The following SEL1L variants were observed in gnomAD, a reference collection of about 807,000 sequenced individuals.
The protein encoded by SEL1L is SEL1L adaptor subunit of SYVN1 ubiquitin ligase.
A neutral mutation model predicts 109.8 loss-of-function variants in SEL1L; 52 were observed. The observed-to-expected ratio is 0.47, with a 90% CI of 0.38 to 0.60. The LOEUF (loss-of-function observed/expected upper bound fraction) is 0.60. SEL1L is among the 20% of genes least tolerant of loss of function. SEL1L has a pLI of 0.00. For missense variants in SEL1L, 749 were observed against 962.2 expected (o/e 0.78, Z 2.93); for synonymous variants, 373 against 339.6 (o/e 1.10, Z -1.08).
intron 3 of SEL1L, among the ~76,000 whole-genome samples, chr14:81,517,947 T>C (rs2140046614): frequency 6.6e-6 from 1 of 152,284 alleles, no homozygotes; most frequent in East Asian, 1.9e-4. Context: ...TTCTTTTTTT[T>C]TGAGACAGTC....
chr14:81,497,547 C>G (rs772465716), intron 10 of SEL1L, among the ~76,000 whole-genome samples: 1 of 152,170 alleles, frequency 6.6e-6, no homozygotes, highest in African/African-American at 2.4e-5. Flanking sequence ...GAGAAAGTGA[C>G]AGTTTTCATC....
Position 81,473,948 on chromosome 14 carries a change from A to G in SEL1L, c.*3024T>C, listed in dbSNP as rs193268612. On this transcript the variant is annotated 3_prime_UTR_variant, in exon 21 of 21. Transcript: ENST00000336735. ...GAGGCATCAACGGCTCTTTAAATAA[A>G]TCATCAGATCATCACCAGATCACTG... The G allele has an allele frequency of 6.6e-6, 1 of 152,132 alleles. No homozygotes were observed. The highest frequency in any genetic ancestry group is 1.5e-5 in the Non-Finnish European group (1 of 67,980). The allele number at this position is 152,132 out of a possible 1,614,324, so 9.4% of individuals were successfully genotyped here.
intron 8 of SEL1L, 78 bp from the exon 9 acceptor site, chr14:81,498,572 G>C (rs1883877509): frequency 1.9e-6 from 2 of 1,077,904 alleles, no homozygotes; most frequent in South Asian, 2.7e-5. Flanking sequence ...ATAAAGCTAA[G>C]CATACCCAGA....
chr14:81,505,027 T>C (rs1489635069), intron 4 of SEL1L, among the ~76,000 whole-genome samples: 1 of 152,160 alleles, frequency 6.6e-6, no homozygotes, highest in Admixed American at 6.5e-5. Flanking sequence ...GGTATTTCCT[T>C]ACAGCAGTGT....
At chr14:81,488,549 C>T (rs564387929) in intron 14 of SEL1L, among the ~76,000 whole-genome samples, 53 of 152,266 alleles carry the variant, frequency 3.5e-4, no homozygotes, top group African/African-American at 9.4e-4. Context: ...GCACATATTA[C>T]TTGGAAAGAT....
At chr14:81,486,625 C>T (rs1444238489) in intron 16 of SEL1L, among the ~76,000 whole-genome samples, 171 bp from the exon 17 acceptor site, 3 of 151,258 alleles carry the variant, frequency 2.0e-5, no homozygotes, top group Non-Finnish European at 4.4e-5. Context: ...TTTTCACTTA[C>T]TCTTTAGAAG....
At position 81,478,423 on chromosome 14, in the gene SEL1L, T is replaced by TA. The variant is rs557694152; in HGVS notation, c.2175+1188dup. On this transcript the variant is annotated intron_variant, in intron 20 of 20. Coordinates refer to ENST00000336735, the MANE Select transcript of SEL1L (RefSeq NM_005065.6). ...TACTGTCTTCTTTATACTTCTGTAT[T>TA]AAAAAAAACAGCAAAGATACAATAT... 1.8e-3 allele frequency among the ~76,000 whole-genome samples: 281 copies of TA among 152,062 alleles called. 1 individual carries two copies. The highest frequency in any genetic ancestry group is 0.014 in the Middle Eastern group (4 of 294).
intron 10 of SEL1L, among the ~76,000 whole-genome samples, chr14:81,495,919 G>C (rs1051209485): frequency 6.6e-6 from 1 of 152,170 alleles, no homozygotes; most frequent in Non-Finnish European, 1.5e-5. Flanking sequence ...CTGGGTGACA[G>C]AGCAAGACTT....
At chr14:81,490,818 T>C (rs1462892937) in intron 12 of SEL1L, among the ~76,000 whole-genome samples, 1 of 152,182 alleles carries the variant, frequency 6.6e-6, no homozygotes. Context: ...GCAGAATTGC[T>C]TGGGCCCAGG....
At chr14:81,525,190 G>T (rs1213133420) in intron 3 of SEL1L, among the ~76,000 whole-genome samples, 1 of 152,136 alleles carries the variant, frequency 6.6e-6, no homozygotes, top group East Asian at 1.9e-4. Context: ...GAATGTTGAT[G>T]TTTATTGAAG....
chr14:81,521,735 T>A lies in SEL1L; in HGVS notation c.340+4998A>T, dbSNP rs1407931105. On this transcript the variant is annotated intron_variant, in intron 3 of 20. Coordinates refer to ENST00000336735, the MANE Select transcript of SEL1L (RefSeq NM_005065.6). The stretch of plus-strand genomic sequence containing the variant: ...TGATAGTGATAACAAACAACTATGT[T>A]ACTGGTCTACATATTTACTATACTT... Among the ~76,000 whole-genome samples, 3 of 152,236 alleles carry A rather than the reference T, an allele frequency of 2.0e-5. No individual in the cohort carries two copies. The East Asian group carries it at 5.8e-4, about 29-fold the overall frequency.
chr14:81,484,341 C>G lies in SEL1L; in HGVS notation c.1930G>C (p.Asp644His). 6.2e-7 allele frequency: 1 copy of G among 1,614,102 alleles called. No individual in the cohort carries two copies. Among genetic ancestry groups the G allele is most frequent in the Non-Finnish European group, 8.5e-7 (1 of 1,179,990 alleles). The change falls in exon 19 of 21, where the codon GAT becomes CAT. Residue 644 changes from aspartate to histidine, a missense_variant. This residue lies in a region of SEL1L where 383 missense variants were observed against 562.5 expected (regional missense o/e 0.68). Transcript: ENST00000336735. ...GDYHFYGFGT[D>H]VDYETAFIHY... ...ATAAATGCAGTTTCATAATCTACATCGGTGCCAAACCCATAGAAATGGTAG... is the reference window on the plus strand; with the variant it reads ...ATAAATGCAGTTTCATAATCTACATGGGTGCCAAACCCATAGAAATGGTAG...
intron 20 of SEL1L, among the ~76,000 whole-genome samples, chr14:81,478,642 C>G (rs1903248685): frequency 6.6e-6 from 1 of 152,160 alleles, no homozygotes; most frequent in Non-Finnish European, 1.5e-5. Context: ...TGCTACCATG[C>G]AATTATAGCA....
intron 12 of SEL1L, among the ~76,000 whole-genome samples, chr14:81,491,305 G>A (rs1322375236): frequency 6.6e-6 from 1 of 152,204 alleles, no homozygotes; most frequent in Non-Finnish European, 1.5e-5. Context: ...AGAGCATCAG[G>A]TATGGAGAAT....
intron 20 of SEL1L, among the ~76,000 whole-genome samples, chr14:81,478,743 T>A (rs1176655870): frequency 6.6e-6 from 1 of 152,234 alleles, no homozygotes; most frequent in African/African-American, 2.4e-5. Context: ...TTCAGCTGCA[T>A]GGACTAGACA....
chr14:81,515,546 T>C (rs1261646154), intron 3 of SEL1L, among the ~76,000 whole-genome samples: 1 of 152,128 alleles, frequency 6.6e-6, no homozygotes, highest in African/African-American at 2.4e-5. Flanking sequence ...ACTCAGATCA[T>C]GGGGACTGGA....
At chr14:81,506,983 C>T (rs1247615729) in intron 3 of SEL1L, among the ~76,000 whole-genome samples, 1 of 152,180 alleles carries the variant, frequency 6.6e-6, no homozygotes, top group Non-Finnish European at 1.5e-5. Flanking sequence ...CTCTCAGGAA[C>T]TGAGGTTTCA....
chr14:81,533,289 AATT>A (rs1319144347), intron 1 of SEL1L, among the ~76,000 whole-genome samples: 1 of 152,142 alleles, frequency 6.6e-6, no homozygotes, highest in African/African-American at 2.4e-5. Context: ...CAGGTTTGTC[AATT>A]ATTTAACTTA....
At chr14:81,502,664 C>G in intron 6 of SEL1L, 57 bp downstream of exon 6, 2 of 1,545,930 alleles carry the variant, frequency 1.3e-6, no homozygotes, top group Non-Finnish European at 1.8e-6. Context: ...GAGTAAACTG[C>G]TTTTAAAACT....
Sources: gnomAD v4.1 joint callset for allele counts (sites outside exome capture counted in the v4.1 genomes callset) on GRCh38, gnomAD v4.1.1 for gene constraint, gnomAD v4.1.1 regional missense constraint, MANE v1.5 for transcripts, NCBI Gene and HGNC (gene_info 2026-07-23, HGNC 2026-07-21) for gene names.